Variants in SUGCT observed in about 807,000 individuals in gnomAD.
SUGCT encodes the protein succinyl-CoA:glutarate CoA-transferase.
In SUGCT, 41 loss-of-function variants were observed where a neutral mutation model predicts 55.0. That is an observed-to-expected ratio of 0.74 (90% CI 0.58 to 0.97). The LOEUF (loss-of-function observed/expected upper bound fraction) is 0.97, where lower values mean the gene tolerates loss of function less well. SUGCT is among the 50% of genes least tolerant of loss of function. The pLI is 0.00. For synonymous variants in SUGCT, 187 were observed against 200.4 expected, an observed-to-expected ratio of 0.93 and a Z score of 0.56; for missense variants, 568 against 547.8, an observed-to-expected ratio of 1.04 and a Z score of -0.37.
intron 9 of SUGCT, among the ~76,000 whole-genome samples, chr7:40,447,782 G>C (rs958078902): frequency 1.3e-5 from 2 of 152,154 alleles, no homozygotes; most frequent in Admixed American, 1.3e-4. Context: ...AGTAAGTCCA[G>C]TCAAGGAAAA....
chr7:40,752,557 T>A (rs1788070560), intron 13 of SUGCT, among the ~76,000 whole-genome samples: 1 of 152,136 alleles, frequency 6.6e-6, no homozygotes, highest in South Asian at 2.1e-4. Context: ...GATTTCACCA[T>A]GTTGGCCAGG....
chr7:40,614,281 A>G (rs1218022011), intron 12 of SUGCT, among the ~76,000 whole-genome samples: 2 of 152,216 alleles, frequency 1.3e-5, no homozygotes, highest in African/African-American at 4.8e-5. Context: ...GTATAAAGCA[A>G]GTCAGAGGAT....
chr7:40,805,422 G>C (rs977883700), intron 13 of SUGCT, among the ~76,000 whole-genome samples: 1 of 152,092 alleles, frequency 6.6e-6, no homozygotes, highest in Admixed American at 6.6e-5. Context: ...GAATCTGGCT[G>C]GCTACATGTA....
In SUGCT at chr7:40,188,451, A is replaced by C. The variant is rs544993739; in HGVS notation, c.227-44A>C. The C allele has an allele frequency of 6.9e-4, 927 of 1,350,388 alleles. 5 individuals are homozygous for C. The South Asian group carries it at 7.6e-3, about 11-fold the overall frequency. The allele number at this position is 1,350,388 out of a possible 1,614,324, so 83.7% of individuals were successfully genotyped here. A position where few individuals can be genotyped will look rare whatever the true frequency, so the allele number is the denominator to read the frequency against. The stretch of plus-strand genomic sequence containing the variant: ...TCCATCTCCAAAAAAAAAAAAAAAA[A>C]AAAACAAACCCCAAAGATTAATAGC... On this transcript the variant is annotated intron_variant, in intron 3 of 13. Transcript: ENST00000335693.
chr7:40,921,106 G>A, the SUGCT span, among the ~76,000 whole-genome samples: 1 of 152,132 alleles, frequency 6.6e-6, no homozygotes, highest in South Asian at 2.1e-4. Flanking sequence ...TCCTGCATTT[G>A]CCAGTGCTCT....
intron 13 of SUGCT, among the ~76,000 whole-genome samples, chr7:40,840,045 T>C (rs1049005220): frequency 6.6e-6 from 1 of 152,150 alleles, no homozygotes; most frequent in Non-Finnish European, 1.5e-5. Flanking sequence ...AACAGATGAC[T>C]CAGTGCCTTA....
chr7:40,849,967 T>C (rs546233699), intron 13 of SUGCT, among the ~76,000 whole-genome samples: 41 of 152,236 alleles, frequency 2.7e-4, no homozygotes, highest in African/African-American at 9.9e-4. Flanking sequence ...CGGGACTTCC[T>C]ACAAGGGTTT....
intron 9 of SUGCT, among the ~76,000 whole-genome samples, chr7:40,431,568 G>T (rs1787898349): frequency 1.3e-5 from 2 of 152,136 alleles, no homozygotes; most frequent in Admixed American, 6.6e-5. Context: ...TCTGATCCAT[G>T]AGCATAGGCT....
intron 11 of SUGCT, among the ~76,000 whole-genome samples, chr7:40,487,750 T>C (rs1332038182): frequency 5.3e-5 from 8 of 152,138 alleles, no homozygotes; most frequent in Non-Finnish European, 1.2e-4. Flanking sequence ...ACTCCATTAT[T>C]ATTATATAAG....
intron 7 of SUGCT, among the ~76,000 whole-genome samples, chr7:40,242,906 C>CATATATATATATATATATATATATATAT (rs1159693206): frequency 6.2e-5 from 2 of 32,234 alleles, no homozygotes; most frequent in Non-Finnish European, 1.0e-4. Flanking sequence ...TGCTATGTGG[C>CATATATATATATATATATATATATATAT]ATATATATAT....
intron 6 of SUGCT, among the ~76,000 whole-genome samples, chr7:40,213,475 C>T (rs970432032): frequency 6.6e-6 from 1 of 152,114 alleles, no homozygotes; most frequent in Non-Finnish European, 1.5e-5. Flanking sequence ...CTGATGTCAC[C>T]ATGACATCAC....
chr7:40,953,544 T>C, the SUGCT span, among the ~76,000 whole-genome samples: 1 of 152,246 alleles, frequency 6.6e-6, no homozygotes, highest in South Asian at 2.1e-4. Context: ...TTTAGAATTT[T>C]CAGTTTTTCT....
intron 5 of SUGCT, among the ~76,000 whole-genome samples, chr7:40,194,029 C>T (rs1230142987): frequency 3.3e-5 from 5 of 152,148 alleles, no homozygotes; most frequent in Middle Eastern, 3.4e-3. Flanking sequence ...CCCGTAACAG[C>T]GGTCTGGGCA....
intron 12 of SUGCT, among the ~76,000 whole-genome samples, chr7:40,668,447 A>T (rs1482846402): frequency 1.3e-5 from 2 of 152,184 alleles, no homozygotes; most frequent in African/African-American, 4.8e-5. Context: ...TCATTGATTC[A>T]TTCTCTAAAA....
chr7:40,519,317 T>C (rs1793407225), intron 12 of SUGCT, among the ~76,000 whole-genome samples: 1 of 151,958 alleles, frequency 6.6e-6, no homozygotes, highest in African/African-American at 2.4e-5. Context: ...CTGAATAAAG[T>C]CTTTAGTTTA....
chr7:40,825,925 C>G (rs1012166261), intron 13 of SUGCT, among the ~76,000 whole-genome samples: 33 of 152,298 alleles, frequency 2.2e-4, no homozygotes, highest in Admixed American at 2.0e-3. Context: ...AAAGTTCCAA[C>G]ACTTTATTTA....
chr7:40,465,477 G>A (rs1446942615), intron 11 of SUGCT, among the ~76,000 whole-genome samples: 4 of 152,042 alleles, frequency 2.6e-5, no homozygotes, highest in Non-Finnish European at 4.4e-5. Flanking sequence ...GGGTGTGGTG[G>A]CACACGCCTG....
chr7:40,719,579 A>G lies in SUGCT; in HGVS notation c.1090-29855A>G, dbSNP rs546840607. ...TGAAAACCAGGAAAAAGATTTTCAG[A>G]ACTGAAAACCAGGCAAAAGCCCACA... On this transcript the variant is annotated intron_variant, in intron 12 of 13. Coordinates refer to ENST00000335693, the MANE Select transcript of SUGCT (RefSeq NM_001193313.2). 3.9e-5 allele frequency among the ~76,000 whole-genome samples: 6 copies of G among 152,312 alleles called. No individual in the cohort carries two copies. The South Asian group carries it at 1.2e-3, about 32-fold the overall frequency.
intron 11 of SUGCT, among the ~76,000 whole-genome samples, chr7:40,467,268 C>T (rs1790173196): frequency 6.7e-6 from 1 of 148,520 alleles, no homozygotes; most frequent in Non-Finnish European, 1.5e-5. Context: ...CAGCAGTACT[C>T]AGCCTATTTG....
Sources: gnomAD v4.1 joint callset for allele counts (sites outside exome capture counted in the v4.1 genomes callset) on GRCh38, gnomAD v4.1.1 for gene constraint, MANE v1.5 for transcripts, NCBI Gene and HGNC (gene_info 2026-07-23, HGNC 2026-07-21) for gene names.